Variants in ULK4 observed in about 807,000 individuals in gnomAD.
ULK4 encodes the protein unc-51 like kinase 4, also known as inactive serine/threonine-protein kinase ULK4.
A neutral mutation model predicts 160.6 loss-of-function variants in ULK4; 133 were observed. That is an observed-to-expected ratio of 0.83 (90% confidence interval 0.72 to 0.96). The LOEUF (loss-of-function observed/expected upper bound fraction) is 0.96, where lower values mean the gene tolerates loss of function less well. Among genes scored for constraint, ULK4 ranks in the 40% least tolerant of loss-of-function variants. The probability of loss-of-function intolerance (pLI) is 0.00; values close to 1 mark genes in which losing one functional copy is unlikely to be tolerated. For missense variants in ULK4, 1,580 were observed against 1,499.5 expected (o/e 1.05, Z -0.89); for synonymous variants, 534 against 539.8 (o/e 0.99, Z 0.15).
At chr3:41,796,294 A>G (rs2040298963) in intron 20 of ULK4, among the ~76,000 whole-genome samples, 1 of 152,166 alleles carries the variant, frequency 6.6e-6, no homozygotes, top group Admixed American at 6.5e-5. Context: ...ACAAACACAG[A>G]AAGAGGGAAG....
chr3:41,707,045 T>C (rs867720965), intron 25 of ULK4, among the ~76,000 whole-genome samples: 17 of 152,020 alleles, frequency 1.1e-4, no homozygotes, highest in African/African-American at 3.6e-4. Flanking sequence ...CCCCATCCCA[T>C]CTGCCTACCT....
At chr3:41,570,151 T>C (rs1037755023) in intron 31 of ULK4, among the ~76,000 whole-genome samples, 1 of 152,242 alleles carries the variant, frequency 6.6e-6, no homozygotes. Context: ...AGCAGATTTG[T>C]ACCTCCCACT....
At chr3:41,704,719 C>G (rs141945380) in intron 27 of ULK4, among the ~76,000 whole-genome samples, 387 of 152,256 alleles carry the variant, frequency 2.5e-3, no homozygotes, top group African/African-American at 8.9e-3. Context: ...AGCCCCATAA[C>G]AAAGAATTGT....
intron 31 of ULK4, among the ~76,000 whole-genome samples, chr3:41,602,309 A>G (rs868699267): frequency 1.7e-3 from 194 of 116,652 alleles, no homozygotes; most frequent in African/African-American, 2.6e-3. Flanking sequence ...AGGAAAGGAA[A>G]GGAAAGGAAA....
At chr3:41,956,542 G>T (rs1421900880) in intron 1 of ULK4, among the ~76,000 whole-genome samples, 1 of 152,120 alleles carries the variant, frequency 6.6e-6, no homozygotes, top group Non-Finnish European at 1.5e-5. Flanking sequence ...GTCTTGACTG[G>T]TATGCCCCAC....
chr3:41,828,637 A>C (rs929706777), intron 18 of ULK4, among the ~76,000 whole-genome samples: 1 of 149,204 alleles, frequency 6.7e-6, no homozygotes, highest in Non-Finnish European at 1.5e-5. Context: ...TGCTCAATGA[A>C]ATTAAAGAGG....
intron 35 of ULK4, among the ~76,000 whole-genome samples, chr3:41,253,934 T>C (rs982297164): frequency 1.3e-5 from 2 of 152,216 alleles, no homozygotes; most frequent in Non-Finnish European, 2.9e-5. Flanking sequence ...AAGGGTTTTG[T>C]AACCAAGAAG....
chr3:41,939,192 G>A (rs560474135), intron 2 of ULK4, among the ~76,000 whole-genome samples: 128 of 147,198 alleles, frequency 8.7e-4, no homozygotes, highest in African/African-American at 3.1e-3. Context: ...GAGGAGTCTC[G>A]CTCTGTCACC....
Position 41,270,252 on chromosome 3 carries a change from AAG to A in ULK4, c.3679-20680_3679-20679del, listed in dbSNP as rs2079116700. On this transcript the variant is annotated intron_variant, in intron 35 of 36. Transcript: ENST00000301831. ...GGAGGATACAAACCCCTAACCAGGA[AAG>A]AGTGTGAGAGCTGGGGCTGGAGAGT... Among the ~76,000 whole-genome samples, 4 of 152,278 alleles carry A rather than the reference AAG, an allele frequency of 2.6e-5. No individual in the cohort carries two copies. The South Asian group carries it at 8.3e-4, about 32-fold the overall frequency.
In ULK4 at chr3:41,615,541, T is replaced by G. The variant is rs1164771502; in HGVS notation, c.3120+128A>C. The G allele has an allele frequency of 3.7e-6, 3 of 811,442 alleles. No individual in the cohort carries two copies. In the African/African-American group the frequency reaches 5.2e-5, roughly 14 times the overall value. The allele number at this position is 811,442 out of a possible 1,614,324, so 50.3% of individuals were successfully genotyped here. ...AAAGCTGAAGTCCAAGGAGGTTAAG[T>G]GTGATGATGATGGACGTACAATCCT... On this transcript the variant is annotated intron_variant, in intron 31 of 36. Coordinates refer to ENST00000301831, the MANE Select transcript of ULK4 (RefSeq NM_017886.4).
intron 35 of ULK4, among the ~76,000 whole-genome samples, chr3:41,304,137 G>A (rs1367106670): frequency 6.6e-6 from 1 of 152,004 alleles, no homozygotes; most frequent in Non-Finnish European, 1.5e-5. Context: ...GCCAGACGTG[G>A]TGGTGGGCAC....
chr3:41,305,804 T>C (rs2079905046), intron 35 of ULK4, among the ~76,000 whole-genome samples: 2 of 145,394 alleles, frequency 1.4e-5, no homozygotes, highest in African/African-American at 5.3e-5. Context: ...CCATCACATC[T>C]AGGAAGTGAG....
chr3:41,386,885 G>A (rs2081825718), intron 35 of ULK4, among the ~76,000 whole-genome samples: 1 of 152,074 alleles, frequency 6.6e-6, no homozygotes, highest in Non-Finnish European at 1.5e-5. Context: ...GATACCTATG[G>A]TAAAGATCTG....
intron 7 of ULK4, among the ~76,000 whole-genome samples, chr3:41,916,701 A>G (rs888447739): frequency 1.5e-5 from 2 of 129,546 alleles, no homozygotes; most frequent in African/African-American, 5.3e-5. Flanking sequence ...CTCAGCTCCA[A>G]CTATTTTTTT....
chr3:41,310,735 G>A (rs1162457273), intron 35 of ULK4, among the ~76,000 whole-genome samples: 2 of 151,998 alleles, frequency 1.3e-5, no homozygotes, highest in Non-Finnish European at 2.9e-5. Flanking sequence ...GCTCACGCCT[G>A]TAATCCCAGC....
chr3:41,863,527 TA>T (rs1461222315), intron 17 of ULK4, among the ~76,000 whole-genome samples: 2 of 152,034 alleles, frequency 1.3e-5, no homozygotes, highest in Non-Finnish European at 2.9e-5. Flanking sequence ...TTTTGCCCCA[TA>T]CACCACAACT....
At chr3:41,796,258 G>T (rs569129971) in intron 20 of ULK4, among the ~76,000 whole-genome samples, 8 of 152,138 alleles carry the variant, frequency 5.3e-5, no homozygotes, top group Non-Finnish European at 1.2e-4. Context: ...TGAGAACCCA[G>T]TCTCTCTCTG....
intron 31 of ULK4, among the ~76,000 whole-genome samples, chr3:41,581,448 C>T (rs906820513): frequency 7.9e-5 from 12 of 152,170 alleles, no homozygotes; most frequent in Non-Finnish European, 1.0e-4. Context: ...CATAGATCTC[C>T]AATAAACCCT....
intron 17 of ULK4, among the ~76,000 whole-genome samples, chr3:41,871,585 C>A (rs1697094579): frequency 6.6e-6 from 1 of 152,204 alleles, no homozygotes; most frequent in East Asian, 1.9e-4. Context: ...TTGCTTTTCT[C>A]TAACGGATAA....
Sources: allele counts gnomAD v4.1 joint callset (sites outside exome capture counted in the v4.1 genomes callset), GRCh38; gene constraint gnomAD v4.1.1; transcripts MANE v1.5; gene names NCBI Gene and HGNC (gene_info 2026-07-23, HGNC 2026-07-21).